The following EPHA6 variants were observed in gnomAD, a reference collection of about 807,000 sequenced individuals.
EPHA6 encodes ephrin type-A receptor 6.
A neutral mutation model predicts 112.0 loss-of-function variants in EPHA6; 50 were observed. The ratio of observed to expected loss-of-function variants is 0.45; its 90% CI spans 0.36 to 0.56. EPHA6 has a LOEUF of 0.56. EPHA6 is among the 20% of genes least tolerant of loss of function. The pLI, the probability that EPHA6 is intolerant of heterozygous loss-of-function variation, is 0.00. For missense variants in EPHA6, 1,280 were observed against 1,417.4 expected, an observed-to-expected ratio of 0.90 and a Z score of 1.56; for synonymous variants, 529 against 490.7, an observed-to-expected ratio of 1.08 and a Z score of -1.03.
chr3:97,648,123 A>G (rs2094079975), intron 14 of EPHA6, among the ~76,000 whole-genome samples: 1 of 152,130 alleles, frequency 6.6e-6, no homozygotes, highest in Non-Finnish European at 1.5e-5. Flanking sequence ...TTCTAATTGC[A>G]TCGATTTTGT....
intron 3 of EPHA6, among the ~76,000 whole-genome samples, chr3:97,191,926 T>C (rs1300560881): frequency 1.3e-5 from 2 of 152,160 alleles, no homozygotes; most frequent in Non-Finnish European, 2.9e-5. Context: ...CCATAGTCAC[T>C]GTACTAATTT....
At chr3:97,729,621 G>A (rs1188933931) in intron 15 of EPHA6, among the ~76,000 whole-genome samples, 5 of 152,056 alleles carry the variant, frequency 3.3e-5, no homozygotes, top group African/African-American at 1.2e-4. Context: ...AGATTTGGGT[G>A]GGGACACGGC....
chr3:97,520,982 C>A (rs1028118256), intron 10 of EPHA6, among the ~76,000 whole-genome samples: 2 of 151,950 alleles, frequency 1.3e-5, no homozygotes, highest in Admixed American at 6.6e-5. Flanking sequence ...CTAGTCTATT[C>A]TTGAACCTTT....
At chr3:97,529,436 G>GA (rs1278214891) in intron 10 of EPHA6, among the ~76,000 whole-genome samples, 6 of 150,896 alleles carry the variant, frequency 4.0e-5, no homozygotes, top group Non-Finnish European at 8.9e-5. Context: ...TATTGGAAAA[G>GA]AAAAAAAAGG....
At chr3:96,978,378 T>A (rs9857025) in intron 2 of EPHA6, among the ~76,000 whole-genome samples, 2 of 151,690 alleles carry the variant, frequency 1.3e-5, no homozygotes, top group African/African-American at 2.4e-5. Context: ...TGTGTTCAGG[T>A]TTCATCTTTA....
intron 5 of EPHA6, among the ~76,000 whole-genome samples, chr3:97,312,748 G>GC (rs1553743785): frequency 4.0e-5 from 6 of 149,384 alleles, no homozygotes; most frequent in Non-Finnish European, 9.0e-5. Flanking sequence ...AATTATACAA[G>GC]TTTTTTTTTC....
At chr3:97,476,052 G>A (rs2091362030) in intron 8 of EPHA6, among the ~76,000 whole-genome samples, 1 of 151,994 alleles carries the variant, frequency 6.6e-6, no homozygotes. Context: ...TGATACAAAA[G>A]TATATTAAAA....
At chr3:97,322,373 A>G (rs149929527) in intron 5 of EPHA6, among the ~76,000 whole-genome samples, 6 of 152,166 alleles carry the variant, frequency 3.9e-5, no homozygotes, top group African/African-American at 1.4e-4. Flanking sequence ...AGAAGCTTCA[A>G]GTATCTCTCC....
chr3:97,359,291 T>C (rs911722390), intron 5 of EPHA6, among the ~76,000 whole-genome samples: 1 of 152,116 alleles, frequency 6.6e-6, no homozygotes, highest in Non-Finnish European at 1.5e-5. Context: ...CATTGCCCTA[T>C]CTTCAAGTTC....
At chr3:97,712,557 G>A (rs2034022309) in intron 14 of EPHA6, among the ~76,000 whole-genome samples, 1 of 152,118 alleles carries the variant, frequency 6.6e-6, no homozygotes. Context: ...CCACACTAAA[G>A]TAGCATTGTG....
intron 3 of EPHA6, among the ~76,000 whole-genome samples, chr3:97,142,323 T>C (rs2075929809): frequency 1.3e-5 from 2 of 151,932 alleles, no homozygotes; most frequent in Non-Finnish European, 2.9e-5. Flanking sequence ...GCTCAAAGAG[T>C]GTGTTTATGT....
chr3:97,457,058 C>A (rs149528320), intron 7 of EPHA6, among the ~76,000 whole-genome samples: 5 of 152,008 alleles, frequency 3.3e-5, no homozygotes, highest in African/African-American at 1.2e-4. Flanking sequence ...GTGAAGAAAA[C>A]CTAATTTCTC....
chr3:97,536,691 A>C (rs2092769321), intron 11 of EPHA6, among the ~76,000 whole-genome samples: 1 of 152,130 alleles, frequency 6.6e-6, no homozygotes, highest in African/African-American at 2.4e-5. Flanking sequence ...TAGTACTTGC[A>C]CAAAAACTGC....
At chr3:97,550,172 A>G (rs569505468) in intron 11 of EPHA6, among the ~76,000 whole-genome samples, 1 of 152,242 alleles carries the variant, frequency 6.6e-6, no homozygotes. Context: ...TGCTTGGGGG[A>G]AATGTTGCAG....
At chr3:97,171,269 A>T (rs771561707) in intron 3 of EPHA6, among the ~76,000 whole-genome samples, 1 of 152,198 alleles carries the variant, frequency 6.6e-6, no homozygotes, top group Non-Finnish European at 1.5e-5. Context: ...TTCCAAATGC[A>T]TAGAAAGGAA....
chr3:96,927,991 G>A (rs988103065), intron 2 of EPHA6, among the ~76,000 whole-genome samples: 3 of 152,204 alleles, frequency 2.0e-5, no homozygotes, highest in Admixed American at 2.0e-4. Context: ...GAAAGCGAGT[G>A]TGTGAAGGAG....
At chr3:97,172,622 T>C (rs1325818535) in intron 3 of EPHA6, among the ~76,000 whole-genome samples, 1 of 151,960 alleles carries the variant, frequency 6.6e-6, no homozygotes, top group Non-Finnish European at 1.5e-5. Context: ...TGAATTAGAT[T>C]CCTTTTTAAG....
At chr3:97,740,903 T>C (rs528003802) in intron 16 of EPHA6, among the ~76,000 whole-genome samples, 1 of 152,278 alleles carries the variant, frequency 6.6e-6, no homozygotes, top group East Asian at 1.9e-4. Flanking sequence ...TTGATTCTTG[T>C]TGCTAGCACT....
chr3:97,713,336 C>G (rs1445323626), intron 14 of EPHA6, among the ~76,000 whole-genome samples: 3 of 152,110 alleles, frequency 2.0e-5, no homozygotes, highest in Non-Finnish European at 2.9e-5. Context: ...ATATAAAACC[C>G]TGAGACCTCA....
Sources: allele counts gnomAD v4.1 joint callset (sites outside exome capture counted in the v4.1 genomes callset), GRCh38; gene constraint gnomAD v4.1.1; transcripts MANE v1.5; gene names NCBI Gene and HGNC (gene_info 2026-07-23, HGNC 2026-07-21).